Variants in PKHD1 observed in about 807,000 individuals in gnomAD.
PKHD1 encodes fibrocystin.
In PKHD1, 291 loss-of-function variants were observed where a neutral mutation model predicts 412.0. The ratio of observed to expected loss-of-function variants is 0.71; its 90% CI spans 0.64 to 0.78. PKHD1 has a LOEUF of 0.78. PKHD1 is among the 30% of genes least tolerant of loss of function. The pLI is 0.00. For synonymous variants in PKHD1, 1,777 were observed against 1,821.5 expected, an observed-to-expected ratio of 0.98 and a Z score of 0.62; for missense variants, 4,825 against 4,950.7, an observed-to-expected ratio of 0.97 and a Z score of 0.76.
intron 52 of PKHD1, among the ~76,000 whole-genome samples, chr6:51,819,065 A>G (rs541472349): frequency 1.3e-5 from 2 of 152,318 alleles, no homozygotes; most frequent in South Asian, 2.1e-4. Flanking sequence ...CTAATTCTTA[A>G]TACCTGGACA....
At chr6:51,976,822 C>A (rs182872717) in intron 35 of PKHD1, among the ~76,000 whole-genome samples, 1 of 151,768 alleles carries the variant, frequency 6.6e-6, no homozygotes, top group South Asian at 2.1e-4. Context: ...GTGGCACATG[C>A]CTGTAGTCCC....
At chr6:51,895,522 C>G (rs1276896907) in intron 43 of PKHD1, among the ~76,000 whole-genome samples, 2 of 152,162 alleles carry the variant, frequency 1.3e-5, no homozygotes, top group African/African-American at 4.8e-5. Context: ...TTTTCTTCCC[C>G]CACATAATTT....
chr6:51,832,154 G>A (rs1768362539), intron 51 of PKHD1, among the ~76,000 whole-genome samples: 1 of 152,120 alleles, frequency 6.6e-6, no homozygotes, highest in African/African-American at 2.4e-5. Flanking sequence ...TGTTATATCA[G>A]TATTAGGAGG....
intron 60 of PKHD1, among the ~76,000 whole-genome samples, chr6:51,697,791 A>G (rs1165710671): frequency 2.0e-5 from 3 of 152,184 alleles, no homozygotes; most frequent in African/African-American, 7.2e-5. Flanking sequence ...ATAAACAACA[A>G]CAGCAAACAT....
At chr6:51,803,971 G>T (rs1010554927) in intron 52 of PKHD1, among the ~76,000 whole-genome samples, 2 of 151,372 alleles carry the variant, frequency 1.3e-5, no homozygotes, top group African/African-American at 4.9e-5. Context: ...GCCTCCCAAA[G>T]TGCTGGGATT....
At chr6:51,648,174 T>G (rs1770377860) in intron 62 of PKHD1, 56 bp from the exon 63 acceptor site, 1 of 944,306 alleles carries the variant, frequency 1.1e-6, no homozygotes, top group Non-Finnish European at 1.8e-6. Context: ...GAAGAGAATT[T>G]TGTGAAGTTA....
In PKHD1 at chr6:51,657,556, T is replaced by C. The variant is rs935120521; in HGVS notation, c.11174+1396A>G. Among the ~76,000 whole-genome samples, 4 of 152,276 alleles carry C rather than the reference T, an allele frequency of 2.6e-5. No homozygotes were observed. In the East Asian group the frequency reaches 7.7e-4, roughly 29 times the overall value. The stretch of plus-strand genomic sequence containing the variant: ...TTCCAACACAAAATCAATGCTATAT[T>C]ATACACTTTGAACTGTTTCTTATTA... On this transcript the variant is annotated intron_variant, in intron 61 of 66. Coordinates refer to ENST00000371117, the MANE Select transcript of PKHD1 (RefSeq NM_138694.4).
chr6:52,007,409 T>C (rs1287525745), intron 35 of PKHD1, among the ~76,000 whole-genome samples: 1 of 152,192 alleles, frequency 6.6e-6, no homozygotes, highest in Admixed American at 6.5e-5. Flanking sequence ...TAAGCACTTG[T>C]TGGTGCTGGT....
chr6:52,056,275 C>T (rs1581996597), intron 18 of PKHD1, among the ~76,000 whole-genome samples: 3 of 152,278 alleles, frequency 2.0e-5, no homozygotes, highest in South Asian at 4.1e-4. Context: ...GAATTTAGTT[C>T]GCCTTAGTAG....
chr6:51,911,555 A>G (rs1782939626), intron 39 of PKHD1, among the ~76,000 whole-genome samples: 1 of 152,110 alleles, frequency 6.6e-6, no homozygotes, highest in South Asian at 2.1e-4. Flanking sequence ...TTTTCCCCAG[A>G]GAAATAATAT....
rs149781976 is a variant in PKHD1 at position 52,058,493 on chromosome 6, C to T, written c.1342G>A (p.Gly448Ser). The T allele has an allele frequency of 1.2e-6, 2 of 1,614,076 alleles. No individual in the cohort carries two copies. Among genetic ancestry groups the T allele is most frequent in the African/African-American group, 1.3e-5 (1 of 74,928 alleles). The change falls in exon 16 of 67, where the codon GGT becomes AGT. Residue 448 changes from glycine (G) to serine (S), a missense_variant. Transcript: ENST00000371117. ...GCTTCCAGGTAGTACATGGCTCCAC[C>T]CAACAGCTCCAACTTGGGAGTCTTC... is the stretch of plus-strand genomic sequence containing the variant. ...QQKTPKLELL[G>S]GAMYYLEAEH...
Position 51,934,167 on chromosome 6 carries a change from A to C in PKHD1, c.6064T>G (p.Phe2022Val). ...TLYGSSYSTP[F>V]FPYGVKFLAV... ...AGGAACTTGACTCCATAGGGAAAGA[A>C]GGGAGTTGAGTAGGAACTCCCGTAG... Residue 2022 changes from phenylalanine (F) to valine (V), a missense_variant, in exon 37 of 67, where the codon TTC becomes GTC. Transcript: ENST00000371117. 1 of 1,614,016 alleles carries C rather than the reference A, an allele frequency of 6.2e-7. No homozygotes were observed. The highest frequency in any genetic ancestry group is 2.2e-5 in the East Asian group (1 of 44,884).
At position 51,941,064 on chromosome 6, in the gene PKHD1, C is replaced by G. The variant is rs575171767; in HGVS notation, c.5909-6742G>C. Among the ~76,000 whole-genome samples, 3 of 150,980 alleles carry G rather than the reference C, an allele frequency of 2.0e-5. No homozygotes were observed. In the East Asian group the frequency reaches 5.8e-4, roughly 29 times the overall value. On this transcript the variant is annotated intron_variant, in intron 36 of 66. Transcript: ENST00000371117. ...CATCCTCCTCTTGTATCCCCCCCCACCTTAACCCACAAATATAAGACACCT... is the reference window on the plus strand; with the variant it reads ...CATCCTCCTCTTGTATCCCCCCCCAGCTTAACCCACAAATATAAGACACCT...
chr6:51,821,239 T>C (rs1303018571), intron 52 of PKHD1, among the ~76,000 whole-genome samples: 2 of 152,192 alleles, frequency 1.3e-5, no homozygotes, highest in East Asian at 1.9e-4. Flanking sequence ...AGCAAACTTG[T>C]TGCAGTGCAA....
At chr6:51,921,634 T>C (rs1253762677) in intron 37 of PKHD1, among the ~76,000 whole-genome samples, 1 of 152,212 alleles carries the variant, frequency 6.6e-6, no homozygotes, top group Non-Finnish European at 1.5e-5. Context: ...TTCTTTTAAC[T>C]CTTTTTTCTC....
At chr6:51,958,496 T>C (rs1791503367) in intron 36 of PKHD1, among the ~76,000 whole-genome samples, 1 of 152,120 alleles carries the variant, frequency 6.6e-6, no homozygotes, top group South Asian at 2.1e-4. Context: ...TCTTCTCTGT[T>C]TTCAGCCTCT....
At chr6:51,867,344 C>T (rs1436015099) in intron 48 of PKHD1, among the ~76,000 whole-genome samples, 1 of 151,886 alleles carries the variant, frequency 6.6e-6, no homozygotes, top group Non-Finnish European at 1.5e-5. Flanking sequence ...GTCCTTGCTC[C>T]AATATTAATA....
At chr6:51,976,992 GA>G (rs1794547471) in intron 35 of PKHD1, among the ~76,000 whole-genome samples, 1 of 141,900 alleles carries the variant, frequency 7.0e-6, no homozygotes, top group South Asian at 2.3e-4. Flanking sequence ...CTCCATATTT[GA>G]TAAAATCAAT....
At chr6:51,629,941 A>T (rs887292008) in intron 65 of PKHD1, among the ~76,000 whole-genome samples, 3 of 151,770 alleles carry the variant, frequency 2.0e-5, no homozygotes, top group Admixed American at 1.3e-4. Flanking sequence ...GAAAACTTGT[A>T]TCAACTACAT....
Sources: gnomAD v4.1 joint callset for allele counts (sites outside exome capture counted in the v4.1 genomes callset) on GRCh38, gnomAD v4.1.1 for gene constraint, MANE v1.5 for transcripts, NCBI Gene and HGNC (gene_info 2026-07-23, HGNC 2026-07-21) for gene names.